The following DSCAM variants were observed in gnomAD, a reference collection of about 807,000 sequenced individuals.
The protein encoded by DSCAM is DS cell adhesion molecule, also known as cell adhesion molecule DSCAM.
Under a neutral mutation model 217.7 loss-of-function variants are expected in DSCAM, and 47 were observed. The ratio of observed to expected loss-of-function variants is 0.22; its 90% CI spans 0.17 to 0.28. The LOEUF (loss-of-function observed/expected upper bound fraction) is 0.28, where lower values mean the gene tolerates loss of function less well. DSCAM is among the 10% of genes least tolerant of loss of function. The pLI, the probability that DSCAM is intolerant of heterozygous loss-of-function variation, is 1.00. For missense variants in DSCAM, 2,080 were observed against 2,618.3 expected, an observed-to-expected ratio of 0.79 and a Z score of 4.49; for synonymous variants, 1,056 against 1,015.3, an observed-to-expected ratio of 1.04 and a Z score of -0.76.
intron 8 of DSCAM, among the ~76,000 whole-genome samples, chr21:40,320,968 T>C (rs993647440): frequency 7.2e-5 from 11 of 152,264 alleles, no homozygotes; most frequent in Admixed American, 7.2e-4. Flanking sequence ...CAAGAGTTTA[T>C]GAGAGTTCAT....
At position 40,617,907 on chromosome 21, in the gene DSCAM, G is replaced by A. The variant is rs113393259; in HGVS notation, c.508+74903C>T. On this transcript the variant is annotated intron_variant, in intron 3 of 32. Coordinates refer to ENST00000400454, the MANE Select transcript of DSCAM (RefSeq NM_001389.5). The stretch of plus-strand genomic sequence containing the variant: ...TGCAGAGCAATGCCAGACAGAGGAC[G>A]GGTGTTCCAACGCGAAGCAGGCAAA... Among the ~76,000 whole-genome samples the A allele has an allele frequency of 4.9e-3, 753 of 152,304 alleles. 10 individuals carry two copies. Among genetic ancestry groups the A allele is most frequent in the African/African-American group, 0.016 (652 of 41,560 alleles).
chr21:40,459,695 A>C (rs2077082978), intron 3 of DSCAM, among the ~76,000 whole-genome samples: 1 of 152,200 alleles, frequency 6.6e-6, no homozygotes, highest in African/African-American at 2.4e-5. Flanking sequence ...TGCATGAATT[A>C]ATCTATATAT....
intron 3 of DSCAM, among the ~76,000 whole-genome samples, chr21:40,461,817 A>C (rs1335576268): frequency 3.9e-5 from 6 of 152,208 alleles, no homozygotes; most frequent in African/African-American, 1.4e-4. Context: ...TGCAGAGAGA[A>C]GGGACTAATG....
intron 5 of DSCAM, among the ~76,000 whole-genome samples, chr21:40,348,255 G>T (rs1303227758): frequency 6.0e-5 from 9 of 149,924 alleles, no homozygotes; most frequent in South Asian, 2.1e-4. Flanking sequence ...ACCCCATACG[G>T]TTCCTATCAG....
chr21:40,170,354 A>C (rs865778080), intron 15 of DSCAM, among the ~76,000 whole-genome samples: 3 of 152,238 alleles, frequency 2.0e-5, no homozygotes, highest in Admixed American at 6.5e-5. Flanking sequence ...GCCCAGAGTG[A>C]GTCCTTGCTT....
At chr21:40,539,063 A>C (rs1481705098) in intron 3 of DSCAM, among the ~76,000 whole-genome samples, 1 of 152,168 alleles carries the variant, frequency 6.6e-6, no homozygotes, top group Non-Finnish European at 1.5e-5. Flanking sequence ...ACCACAGCCC[A>C]GTGATTACTT....
intron 3 of DSCAM, among the ~76,000 whole-genome samples, chr21:40,486,286 C>T (rs1235990695): frequency 2.6e-5 from 4 of 152,194 alleles, no homozygotes; most frequent in Non-Finnish European, 5.9e-5. Flanking sequence ...CTCTCTATGA[C>T]TTTCAACTCA....
At chr21:40,534,305 T>G (rs2837685) in intron 3 of DSCAM, among the ~76,000 whole-genome samples, 33,928 of 152,190 alleles carry the variant, frequency 0.22, 4,440 homozygotes, top group African/African-American at 0.35. Flanking sequence ...TGCATAAAGA[T>G]TATATTCTTG....
chr21:40,350,041 T>C (rs886503236), intron 5 of DSCAM, among the ~76,000 whole-genome samples: 1 of 151,924 alleles, frequency 6.6e-6, no homozygotes, highest in Non-Finnish European at 1.5e-5. Flanking sequence ...CTGGTAATCT[T>C]CTCCTATTAT....
intron 11 of DSCAM, among the ~76,000 whole-genome samples, chr21:40,221,240 C>T (rs1181232837): frequency 6.6e-6 from 1 of 151,898 alleles, no homozygotes; most frequent in Non-Finnish European, 1.5e-5. Context: ...ACTACCTGTC[C>T]CACCCATGCC....
At chr21:40,787,656 T>C (rs1032305241) in intron 1 of DSCAM, among the ~76,000 whole-genome samples, 7 of 152,208 alleles carry the variant, frequency 4.6e-5, no homozygotes, top group African/African-American at 1.7e-4. Context: ...TACCAGGCCC[T>C]TCACTTTTAC....
At chr21:40,266,067 A>G (rs112239353) in intron 11 of DSCAM, among the ~76,000 whole-genome samples, 6,088 of 152,270 alleles carry the variant, frequency 0.04, 349 homozygotes, top group East Asian at 0.22. Context: ...TAAACAGACA[A>G]CCTACAGAAT....
At chr21:40,299,615 T>TG (rs1158759859) in intron 9 of DSCAM, among the ~76,000 whole-genome samples, 1 of 152,102 alleles carries the variant, frequency 6.6e-6, no homozygotes, top group Non-Finnish European at 1.5e-5. Context: ...TATGGTCCCC[T>TG]GGGGGTTGTC....
At chr21:40,538,293 C>T (rs2076515641) in intron 3 of DSCAM, among the ~76,000 whole-genome samples, 2 of 133,968 alleles carry the variant, frequency 1.5e-5, no homozygotes, top group Admixed American at 7.3e-5. Context: ...GAATCCAAAG[C>T]TAACCCCGTG....
chr21:40,122,311 T>A (rs186035939), intron 20 of DSCAM, among the ~76,000 whole-genome samples: 112 of 152,210 alleles, frequency 7.4e-4, no homozygotes, highest in African/African-American at 2.7e-3. Context: ...AAAGATAAGA[T>A]GATTGAGAAG....
At chr21:40,485,810 T>TTA (rs1322218902) in intron 3 of DSCAM, among the ~76,000 whole-genome samples, 6 of 152,110 alleles carry the variant, frequency 3.9e-5, no homozygotes, top group African/African-American at 1.4e-4. Flanking sequence ...TATTATATAT[T>TTA]TATATACACA....
chr21:40,792,182 G>A (rs2091652272), intron 1 of DSCAM, among the ~76,000 whole-genome samples: 2 of 134,170 alleles, frequency 1.5e-5, no homozygotes, highest in African/African-American at 3.0e-5. Context: ...ACTGTTGCCC[G>A]GGCTGGAGTG....
At chr21:40,223,210 G>A (rs1259965369) in intron 11 of DSCAM, among the ~76,000 whole-genome samples, 1 of 152,220 alleles carries the variant, frequency 6.6e-6, no homozygotes, top group Non-Finnish European at 1.5e-5. Context: ...CCTCAGAGCA[G>A]CTTTGAGGAG....
chr21:40,044,360 C>G (rs1382690170), intron 30 of DSCAM, 85 bp from the exon 31 acceptor site: 1 of 1,378,106 alleles, frequency 7.3e-7, no homozygotes, highest in Non-Finnish European at 9.9e-7. Context: ...TGCCACCCAC[C>G]CAGCACTGCC....
Sources: allele counts gnomAD v4.1 joint callset (sites outside exome capture counted in the v4.1 genomes callset), GRCh38; gene constraint gnomAD v4.1.1; transcripts MANE v1.5; gene names NCBI Gene and HGNC (gene_info 2026-07-23, HGNC 2026-07-21).